The following ARB2A variants were observed in gnomAD, a reference collection of about 807,000 sequenced individuals.
ARB2A encodes cotranscriptional regulator ARB2A.
chr5:93,943,148 CA>C, the ARB2A span, among the ~76,000 whole-genome samples: 1 of 152,106 alleles, frequency 6.6e-6, no homozygotes, highest in African/African-American at 2.4e-5. Context: ...AATTTAAGGT[CA>C]AAGATTAGTG....
the ARB2A span, among the ~76,000 whole-genome samples, chr5:93,649,325 A>G: frequency 6.6e-6 from 1 of 152,296 alleles, no homozygotes; most frequent in South Asian, 2.1e-4. Context: ...ATAGGATTGG[A>G]GAAGCAACCA....
the ARB2A span, among the ~76,000 whole-genome samples, chr5:94,011,224 A>T: frequency 1.3e-5 from 2 of 151,954 alleles, no homozygotes; most frequent in African/African-American, 4.8e-5. Context: ...CTGATTTCTC[A>T]TCTCCTCTTC....
At chr5:94,002,833 G>A in the ARB2A span, among the ~76,000 whole-genome samples, 7 of 152,124 alleles carry the variant, frequency 4.6e-5, no homozygotes, top group Admixed American at 2.0e-4. Context: ...CAAGCAGCAG[G>A]ATCGAGTCCA....
At chr5:93,995,589 G>T in the ARB2A span, among the ~76,000 whole-genome samples, 1 of 152,128 alleles carries the variant, frequency 6.6e-6, no homozygotes, top group African/African-American at 2.4e-5. Context: ...ATCAAGAGAA[G>T]GCTAATAGCT....
chr5:93,948,099 C>T, the ARB2A span, among the ~76,000 whole-genome samples: 1 of 152,144 alleles, frequency 6.6e-6, no homozygotes, highest in African/African-American at 2.4e-5. Flanking sequence ...CTGACTTCCA[C>T]AAGGGTTGAA....
the ARB2A span, among the ~76,000 whole-genome samples, chr5:93,890,268 T>C: frequency 6.6e-6 from 1 of 151,814 alleles, no homozygotes; most frequent in Non-Finnish European, 1.5e-5. Flanking sequence ...GCCAGGAAAC[T>C]AGCTTCCTAA....
At chr5:94,071,961 T>C in the ARB2A span, among the ~76,000 whole-genome samples, 1 of 151,998 alleles carries the variant, frequency 6.6e-6, no homozygotes, top group Admixed American at 6.6e-5. Flanking sequence ...CTGGAATCAA[T>C]CCAAATGCCC....
chr5:93,730,834 G>A, the ARB2A span, among the ~76,000 whole-genome samples: 1 of 152,274 alleles, frequency 6.6e-6, no homozygotes, highest in East Asian at 1.9e-4. Flanking sequence ...TTTTACTGAT[G>A]AGAGTTCAAT....
chr5:93,878,075 C>T, the ARB2A span, among the ~76,000 whole-genome samples: 1 of 148,636 alleles, frequency 6.7e-6, no homozygotes, highest in South Asian at 2.1e-4. Context: ...GACCTTATAC[C>T]ATTAATTTTT....
the ARB2A span, among the ~76,000 whole-genome samples, chr5:94,080,212 T>C: frequency 1.3e-5 from 2 of 152,144 alleles, no homozygotes; most frequent in African/African-American, 2.4e-5. Context: ...AAAAAATTGC[T>C]ATTATATGAG....
the ARB2A span, among the ~76,000 whole-genome samples, chr5:94,060,097 C>T: frequency 6.1e-4 from 93 of 152,210 alleles, no homozygotes; most frequent in African/African-American, 2.1e-3. Flanking sequence ...CAGTGGCTCA[C>T]GCCTGTAATC....
the ARB2A span, chr5:93,804,717 AT>A: frequency 5.1e-5 from 13 of 254,946 alleles, no homozygotes; most frequent in Admixed American, 4.6e-4. Context: ...CAGCTAGTAG[AT>A]TTTTTTTATT....
the ARB2A span, among the ~76,000 whole-genome samples, chr5:93,709,500 G>A: frequency 6.6e-6 from 1 of 151,572 alleles, no homozygotes; most frequent in African/African-American, 2.4e-5. Flanking sequence ...GGGCGTGGAG[G>A]TGTGCACCTG....
the ARB2A span, among the ~76,000 whole-genome samples, chr5:94,035,917 T>C: frequency 6.6e-6 from 1 of 152,044 alleles, no homozygotes; most frequent in East Asian, 1.9e-4. Context: ...AGATGACAGG[T>C]TGATGAGTGC....
chr5:94,031,696 G>C, the ARB2A span, among the ~76,000 whole-genome samples: 1 of 152,180 alleles, frequency 6.6e-6, no homozygotes, highest in African/African-American at 2.4e-5. Flanking sequence ...TCAAAGCAAT[G>C]ACTAAAAGGC....
the ARB2A span, among the ~76,000 whole-genome samples, chr5:94,019,338 G>A: frequency 6.6e-6 from 1 of 152,036 alleles, no homozygotes; most frequent in African/African-American, 2.4e-5. Flanking sequence ...AAGAGTTTCT[G>A]CACAGCAATA....
At chr5:93,677,660 C>T in the ARB2A span, among the ~76,000 whole-genome samples, 1 of 152,186 alleles carries the variant, frequency 6.6e-6, no homozygotes, top group Non-Finnish European at 1.5e-5. Flanking sequence ...ATTTTTGTAT[C>T]CCACTTGCAG....
the ARB2A span, among the ~76,000 whole-genome samples, chr5:94,019,406 G>C: frequency 6.6e-6 from 1 of 152,080 alleles, no homozygotes; most frequent in African/African-American, 2.4e-5. Flanking sequence ...CTGACAAAGA[G>C]CTAATATCCA....
chr5:93,926,054 G>A, the ARB2A span, among the ~76,000 whole-genome samples: 1 of 151,980 alleles, frequency 6.6e-6, no homozygotes, highest in Non-Finnish European at 1.5e-5. Flanking sequence ...TCATCCATTT[G>A]CTAGGCTAGG....
Sources: gnomAD v4.1 joint callset for allele counts (sites outside exome capture counted in the v4.1 genomes callset) on GRCh38, gnomAD v4.1.1 for gene constraint, MANE v1.5 for transcripts, NCBI Gene and HGNC (gene_info 2026-07-23, HGNC 2026-07-21) for gene names.